KCNQ1: variants seen among roughly 807,000 people sequenced by gnomAD.
KCNQ1 encodes potassium voltage-gated channel subfamily Q member 1.
A neutral mutation model predicts 72.4 loss-of-function variants in KCNQ1; 49 were observed. The ratio of observed to expected loss-of-function variants is 0.68; its 90% CI spans 0.54 to 0.86. The LOEUF (loss-of-function observed/expected upper bound fraction) is 0.86, where lower values mean the gene tolerates loss of function less well. KCNQ1 is among the 40% of genes least tolerant of loss of function. The pLI, the probability that KCNQ1 is intolerant of heterozygous loss-of-function variation, is 0.00. For missense variants in KCNQ1, 790 were observed against 945.1 expected, an observed-to-expected ratio of 0.84 and a Z score of 2.15; for synonymous variants, 450 against 412.6, an observed-to-expected ratio of 1.09 and a Z score of -1.10.
At chr11:2,502,297 C>A (rs1411369040) in intron 1 of KCNQ1, among the ~76,000 whole-genome samples, 2 of 152,174 alleles carry the variant, frequency 1.3e-5, no homozygotes. Flanking sequence ...TTGGAAAAAT[C>A]TAAAGACCCC....
At position 2,541,726 on chromosome 11, in the gene KCNQ1, G is replaced by A. The variant is rs1302988687; in HGVS notation, c.477+13708G>A. Among the ~76,000 whole-genome samples, 1 of 149,496 alleles carries A rather than the reference G, an allele frequency of 6.7e-6. No individual in the cohort carries two copies. Among genetic ancestry groups the A allele is most frequent in the Non-Finnish European group, 1.5e-5 (1 of 67,650 alleles). ...TGAGTTTTTTTTTTTTTTTAAATGA[G>A]GACATCTGTTAGACCACTTAGGAGT... On this transcript the variant is annotated intron_variant, in intron 2 of 15. Coordinates refer to ENST00000155840, the MANE Select transcript of KCNQ1 (RefSeq NM_000218.3). The surrounding 1 kb of genome is among the most constrained non-coding windows in gnomAD (Gnocchi z 4.8).
chr11:2,656,915 A>G lies in KCNQ1; in HGVS notation c.1394-5046A>G, dbSNP rs1849860755. On this transcript the variant is annotated intron_variant, in intron 10 of 15. Transcript: ENST00000155840. Reference sequence around the variant, plus strand: ...TTTGGTATATGATGTGAGGTAATTAAGGGTCCAACTTAATGTTTTTCCAGT... The same window carrying G: ...TTTGGTATATGATGTGAGGTAATTAGGGGTCCAACTTAATGTTTTTCCAGT... 5 of 398,528 alleles carry G rather than the reference A, an allele frequency of 1.3e-5. No individual in the cohort carries two copies. In the South Asian group the frequency reaches 6.4e-4, roughly 51 times the overall value. 24.7% of individuals were successfully genotyped at this position (398,528 alleles called of 1,614,324 possible).
chr11:2,731,645 A>G (rs911144803), intron 11 of KCNQ1, among the ~76,000 whole-genome samples: 2 of 152,228 alleles, frequency 1.3e-5, no homozygotes, highest in African/African-American at 4.8e-5. Context: ...CATGGAGATC[A>G]GGTTCCTAGA....
At chr11:2,731,870 C>T (rs1463333919) in intron 11 of KCNQ1, among the ~76,000 whole-genome samples, 1 of 152,232 alleles carries the variant, frequency 6.6e-6, no homozygotes, top group Non-Finnish European at 1.5e-5. Context: ...CTGCTCACAG[C>T]CTTCACCATC....
chr11:2,633,352 T>C, intron 10 of KCNQ1: 1 of 398,540 alleles, frequency 2.5e-6, no homozygotes, highest in Non-Finnish European at 4.4e-6. Context: ...ATTATTTCCT[T>C]TTATGTGTAG....
chr11:2,445,571 G>A, intron 1 of KCNQ1, 87 bp downstream of exon 1: 2 of 1,471,270 alleles, frequency 1.4e-6, no homozygotes, highest in Non-Finnish European at 1.8e-6. Flanking sequence ...CACCTGCCCC[G>A]TCGGAGCTGC....
rs749697177 is a variant in KCNQ1, at chr11:2,572,041, A to C, written c.712A>C (p.Met238Leu). The C allele has an allele frequency of 1.2e-6, 2 of 1,612,736 alleles. No individual in the cohort carries two copies. The highest frequency in any genetic ancestry group is 2.2e-5 in the South Asian group (2 of 91,068). Reference sequence around the variant, plus strand: ...CATCCGCTTCCTGCAGATCCTGAGGATGCTACACGTCGACCGCCAGGGAGG... The same window carrying C: ...CATCCGCTTCCTGCAGATCCTGAGGCTGCTACACGTCGACCGCCAGGGAGG... ...RGIRFLQILR[M>L]LHVDRQGGTW... The change falls in exon 5 of 16, where the codon ATG becomes CTG. Residue 238 changes from methionine to leucine, a missense_variant. Met to Leu is a conservative substitution (Grantham distance 15, BLOSUM62 2). Around this residue, in one of 5 missense-constraint regions of KCNQ1, gnomAD observed 133 missense variants for 219.5 expected, o/e 0.61. Coordinates refer to ENST00000155840, the MANE Select transcript of KCNQ1 (RefSeq NM_000218.3).
At position 2,704,062 on chromosome 11, in the gene KCNQ1, G is replaced by T. The variant is rs1300529508; in HGVS notation, c.1514+41981G>T. Among the ~76,000 whole-genome samples, 2 of 152,252 alleles carry T rather than the reference G, an allele frequency of 1.3e-5. No individual in the cohort carries two copies. Among genetic ancestry groups the T allele is most frequent in the African/African-American group, 4.8e-5 (2 of 41,468 alleles). ...CCTGCTCTTAAGGTCAGCCCTTGCAGTTGGCAGTCTGTGGCCCCTCCTCGG... is the reference window on the plus strand; with the variant it reads ...CCTGCTCTTAAGGTCAGCCCTTGCATTTGGCAGTCTGTGGCCCCTCCTCGG... On this transcript the variant is annotated intron_variant, in intron 11 of 15. Transcript: ENST00000155840. This position sits in a 1 kb window ranked among gnomAD's most constrained non-coding sequence, Gnocchi z 4.3.
intron 15 of KCNQ1, among the ~76,000 whole-genome samples, chr11:2,819,328 T>C (rs1847685301): frequency 6.6e-6 from 1 of 152,050 alleles, no homozygotes. Context: ...TGGGCAAGGC[T>C]TTTATGAGGC....
At position 2,830,931 on chromosome 11, in the gene KCNQ1, C is replaced by T. The variant is rs1401391125; in HGVS notation, c.1795-16836C>T. On this transcript the variant is annotated intron_variant, in intron 15 of 15. Coordinates refer to ENST00000155840, the MANE Select transcript of KCNQ1 (RefSeq NM_000218.3). The surrounding 1 kb of genome is among the most constrained non-coding windows in gnomAD (Gnocchi z 7.7). ...GGAGTCTTTGAAACCGCAAGGGTAC[C>T]CTTGGGAGACCCCGTGCAGGTCTTG... Among the ~76,000 whole-genome samples the T allele has an allele frequency of 1.3e-5, 2 of 152,190 alleles. No individual in the cohort carries two copies. Among genetic ancestry groups the T allele is most frequent in the African/African-American group, 2.4e-5 (1 of 41,432 alleles).
At chr11:2,760,549 G>T (rs1245277684) in intron 11 of KCNQ1, among the ~76,000 whole-genome samples, 1 of 152,182 alleles carries the variant, frequency 6.6e-6, no homozygotes, top group Non-Finnish European at 1.5e-5. Context: ...GGGTGGTGCG[G>T]GCAGGGAGAG....
At chr11:2,476,617 A>G (rs1846572032) in intron 1 of KCNQ1, among the ~76,000 whole-genome samples, 2 of 152,216 alleles carry the variant, frequency 1.3e-5, no homozygotes, top group African/African-American at 4.8e-5. Context: ...TATAATTTCA[A>G]TCATGGAAAA....
At chr11:2,740,394 G>A (rs1467493364) in intron 11 of KCNQ1, among the ~76,000 whole-genome samples, 1 of 152,224 alleles carries the variant, frequency 6.6e-6, no homozygotes, top group African/African-American at 2.4e-5. Flanking sequence ...AAGGAACAAT[G>A]TTAAGCAAAC....
chr11:2,776,062 C>T lies in KCNQ1; in HGVS notation c.1685+8C>T, dbSNP rs768101676. ...CAAGGAGCTGCAGAGGAGGTGGGCACGGCCAAACGGCAGCGGGGAGGGTGC... is the reference window on the plus strand; with the variant it reads ...CAAGGAGCTGCAGAGGAGGTGGGCATGGCCAAACGGCAGCGGGGAGGGTGC... On this transcript the variant is annotated splice_region_variant and intron_variant, in intron 13 of 15. Transcript: ENST00000155840. 22 of 1,549,758 alleles carry T rather than the reference C, an allele frequency of 1.4e-5. No homozygotes were observed. Among genetic ancestry groups the T allele is most frequent in the South Asian group, 1.1e-4 (9 of 84,236 alleles).
rs191377721 is a variant in KCNQ1 at position 2,670,034 on chromosome 11, G to A, written c.1514+7953G>A. ...GTTGGGGTCCCGTGGAGGTACAGGC[G>A]GAAACCTAGCACTCACTATTCTGCT... is the stretch of plus-strand genomic sequence containing the variant. On this transcript the variant is annotated intron_variant, in intron 11 of 15. Transcript: ENST00000155840. This position sits in a 1 kb window ranked among gnomAD's most constrained non-coding sequence, Gnocchi z 4.9. The A allele has an allele frequency of 1.4e-3, 569 of 398,604 alleles. 5 individuals carry two copies. The highest frequency in any genetic ancestry group is 0.011 in the African/African-American group (529 of 48,730). 24.7% of individuals were successfully genotyped at this position (398,604 alleles called of 1,614,324 possible). A position where few individuals can be genotyped will look rare whatever the true frequency, so the allele number is the denominator to read the frequency against.
chr11:2,637,055 A>G (rs1047090690), intron 10 of KCNQ1: 2 of 151,460 alleles, frequency 1.3e-5, no homozygotes, highest in African/African-American at 2.4e-5. Context: ...TTTTTATTGC[A>G]TCTATTTGAT....
intron 8 of KCNQ1, 28 bp from the exon 9 acceptor site, chr11:2,587,542 G>A: frequency 6.2e-7 from 1 of 1,613,222 alleles, no homozygotes; most frequent in Non-Finnish European, 8.5e-7. Flanking sequence ...CTCAGCAGGT[G>A]ACAGCCTGTC....
chr11:2,530,186 T>G (rs1043089830), intron 2 of KCNQ1, among the ~76,000 whole-genome samples: 1 of 152,140 alleles, frequency 6.6e-6, no homozygotes, highest in African/African-American at 2.4e-5. Context: ...GGCCTCATGT[T>G]TTATGGGGTC....
chr11:2,487,863 AT>A (rs1460868176), intron 1 of KCNQ1, among the ~76,000 whole-genome samples: 2 of 151,770 alleles, frequency 1.3e-5, no homozygotes, highest in Admixed American at 1.3e-4. Context: ...ATTTCTTTTA[AT>A]TTTTTTCTTG....
Sources: allele counts gnomAD v4.1 joint callset (sites outside exome capture counted in the v4.1 genomes callset), GRCh38; gene constraint gnomAD v4.1.1; regional missense constraint gnomAD v4.1.1; non-coding constraint Gnocchi (gnomAD v3.1); transcripts MANE v1.5; gene names NCBI Gene and HGNC (gene_info 2026-07-23, HGNC 2026-07-21).